PLD5: variants seen among roughly 807,000 people sequenced by gnomAD.
The protein encoded by PLD5 is inactive phospholipase D5.
Under a neutral mutation model 61.1 loss-of-function variants are expected in PLD5, and 36 were observed. The observed-to-expected ratio is 0.59, with a 90% CI of 0.45 to 0.78. The LOEUF (loss-of-function observed/expected upper bound fraction) is 0.78. PLD5 is among the 30% of genes least tolerant of loss of function. PLD5 has a pLI of 0.00. For synonymous variants in PLD5, 243 were observed against 242.8 expected, an observed-to-expected ratio of 1.00 and a Z score of -0.01; for missense variants, 515 against 644.4, an observed-to-expected ratio of 0.80 and a Z score of 2.17.
chr1:242,409,832 C>T (rs1215212131), intron 1 of PLD5, among the ~76,000 whole-genome samples: 2 of 152,118 alleles, frequency 1.3e-5, no homozygotes, highest in African/African-American at 4.8e-5. Context: ...TATGTGGGGG[C>T]GCCATGTTGC....
At chr1:242,466,350 C>A (rs1048288792) in intron 1 of PLD5, among the ~76,000 whole-genome samples, 2 of 152,038 alleles carry the variant, frequency 1.3e-5, no homozygotes, top group Non-Finnish European at 2.9e-5. Context: ...CATCAAGATA[C>A]TCAACAGATT....
At chr1:242,091,137 G>A (rs563780826) in intron 9 of PLD5, among the ~76,000 whole-genome samples, 8 of 152,048 alleles carry the variant, frequency 5.3e-5, no homozygotes, top group East Asian at 1.9e-4. Flanking sequence ...CAAGGACACC[G>A]GTCATATTAG....
intron 5 of PLD5, among the ~76,000 whole-genome samples, chr1:242,158,722 A>T (rs991760327): frequency 6.6e-6 from 1 of 152,022 alleles, no homozygotes; most frequent in Non-Finnish European, 1.5e-5. Context: ...TTCTGTGTCA[A>T]TCTCACTGGG....
intron 1 of PLD5, among the ~76,000 whole-genome samples, chr1:242,506,498 CT>C: frequency 6.6e-6 from 1 of 152,052 alleles, no homozygotes; most frequent in Admixed American, 6.5e-5. Flanking sequence ...GAATAATGAG[CT>C]TCCTAGGAAA....
Position 242,216,731 on chromosome 1 carries a change from T to A in PLD5, c.735+3257A>T, listed in dbSNP as rs527688278. On this transcript the variant is annotated intron_variant, in intron 5 of 9. Coordinates refer to ENST00000536534, the MANE Select transcript of PLD5 (RefSeq NM_001372062.1). The stretch of plus-strand genomic sequence containing the variant: ...CTCAGCCAAACTGACAGGCAAAATA[T>A]CTATGTCAGCGTATGTCTCTCATCC... Among the ~76,000 whole-genome samples the A allele has an allele frequency of 1.1e-3, 174 of 152,214 alleles. 1 individual carries two copies. Among genetic ancestry groups the A allele is most frequent in the Non-Finnish European group, 1.9e-3 (126 of 68,042 alleles).
At chr1:242,308,280 A>G (rs1172438967) in intron 2 of PLD5, among the ~76,000 whole-genome samples, 2 of 152,152 alleles carry the variant, frequency 1.3e-5, no homozygotes, top group East Asian at 1.9e-4. Flanking sequence ...TTAAAAATTC[A>G]TAAGATATAA....
intron 9 of PLD5, among the ~76,000 whole-genome samples, chr1:242,096,868 A>C (rs1262456126): frequency 6.6e-6 from 1 of 151,930 alleles, no homozygotes; most frequent in African/African-American, 2.4e-5. Context: ...AACATTAGGT[A>C]TATCTCCTAA....
chr1:242,327,619 T>G (rs977786518), intron 2 of PLD5, among the ~76,000 whole-genome samples: 5 of 152,186 alleles, frequency 3.3e-5, no homozygotes, highest in African/African-American at 1.2e-4. Flanking sequence ...TATTTCAAAT[T>G]TACTAGGAGG....
intron 2 of PLD5, among the ~76,000 whole-genome samples, chr1:242,326,850 G>A (rs1365003817): frequency 2.0e-5 from 3 of 151,428 alleles, no homozygotes; most frequent in African/African-American, 7.3e-5. Flanking sequence ...AGGACCACAG[G>A]TGTATGTTAC....
At chr1:242,179,791 T>C (rs1195142868) in intron 5 of PLD5, among the ~76,000 whole-genome samples, 1 of 152,198 alleles carries the variant, frequency 6.6e-6, no homozygotes, top group African/African-American at 2.4e-5. Flanking sequence ...TGGTCCCAGC[T>C]ACTCGGGAGG....
intron 1 of PLD5, among the ~76,000 whole-genome samples, chr1:242,486,550 C>A (rs1296175088): frequency 6.6e-6 from 1 of 152,106 alleles, no homozygotes; most frequent in Admixed American, 6.6e-5. Flanking sequence ...TAAATAAAAA[C>A]TCAGGAAACA....
intron 1 of PLD5, among the ~76,000 whole-genome samples, chr1:242,460,245 C>T (rs1448427959): frequency 6.6e-6 from 1 of 152,170 alleles, no homozygotes. Flanking sequence ...CACTAACCTA[C>T]CCCCGCCCTC....
intron 2 of PLD5, among the ~76,000 whole-genome samples, chr1:242,321,316 T>A (rs577887681): frequency 4.6e-5 from 7 of 152,206 alleles, no homozygotes; most frequent in African/African-American, 9.6e-5. Flanking sequence ...TCTCTTTTTT[T>A]TTTTTGGATG....
At chr1:242,488,060 C>G (rs976647430) in intron 1 of PLD5, among the ~76,000 whole-genome samples, 7 of 152,160 alleles carry the variant, frequency 4.6e-5, no homozygotes, top group Non-Finnish European at 1.0e-4. Flanking sequence ...ATCCAAAACA[C>G]TGACAATATC....
rs561593391 is a variant in PLD5, at chr1:242,419,210, G to A, written c.190-70968C>T. On this transcript the variant is annotated intron_variant, in intron 1 of 9. Transcript: ENST00000536534. The stretch of plus-strand genomic sequence containing the variant: ...GAGATGAGATGGGCGCCTGGGTGGC[G>A]TGTTCTTACAGCCTGCGTGACGTTT... 2.0e-5 allele frequency among the ~76,000 whole-genome samples: 3 copies of A among 152,156 alleles called. No homozygotes were observed. The East Asian group carries it at 5.8e-4, about 30-fold the overall frequency.
At chr1:242,100,037 A>T (rs1317002272) in intron 9 of PLD5, among the ~76,000 whole-genome samples, 1 of 152,250 alleles carries the variant, frequency 6.6e-6, no homozygotes, top group African/African-American at 2.4e-5. Context: ...GTCTCTGTTT[A>T]ACCTTAATAA....
rs1432729791 is a variant in PLD5 at position 242,502,825 on chromosome 1, C to T, written c.189+21263G>A. 2.0e-5 allele frequency among the ~76,000 whole-genome samples: 3 copies of T among 152,132 alleles called. No individual in the cohort carries two copies. The East Asian group carries it at 5.8e-4, about 30-fold the overall frequency. The stretch of plus-strand genomic sequence containing the variant: ...CCTGTAATCCCAGCACTTTGGGAGG[C>T]TGAGGTGGGCGGATCACCTGAGGTC... On this transcript the variant is annotated intron_variant, in intron 1 of 9. Coordinates refer to ENST00000536534, the MANE Select transcript of PLD5 (RefSeq NM_001372062.1).
intron 1 of PLD5, among the ~76,000 whole-genome samples, chr1:242,391,387 T>G (rs1417549426): frequency 6.6e-6 from 1 of 151,984 alleles, no homozygotes; most frequent in Non-Finnish European, 1.5e-5. Flanking sequence ...AAAGAACAAA[T>G]GGAAAATTTT....
intron 4 of PLD5, among the ~76,000 whole-genome samples, chr1:242,225,347 T>G (rs1055230164): frequency 1.7e-4 from 25 of 146,316 alleles, no homozygotes; most frequent in African/African-American, 5.9e-4. Flanking sequence ...TGTTTCTCTT[T>G]GCTGTTGAGT....
Sources: gnomAD v4.1 joint callset for allele counts (sites outside exome capture counted in the v4.1 genomes callset) on GRCh38, gnomAD v4.1.1 for gene constraint, MANE v1.5 for transcripts, NCBI Gene and HGNC (gene_info 2026-07-23, HGNC 2026-07-21) for gene names.